Variants in PPM1L observed in about 807,000 individuals in gnomAD.
PPM1L encodes protein phosphatase 1L.
In PPM1L, 13 loss-of-function variants were observed where a neutral mutation model predicts 31.4. The observed-to-expected ratio is 0.41, with a 90% CI of 0.27 to 0.66. The LOEUF (loss-of-function observed/expected upper bound fraction) is 0.66, where lower values mean the gene tolerates loss of function less well. PPM1L is among the 30% of genes least tolerant of loss of function. PPM1L has a pLI of 0.29. For missense variants in PPM1L, 326 were observed against 453.7 expected, an observed-to-expected ratio of 0.72 and a Z score of 2.56; for synonymous variants, 184 against 175.4, an observed-to-expected ratio of 1.05 and a Z score of -0.39.
chr3:161,007,278 C>T (rs1202215969), intron 2 of PPM1L, among the ~76,000 whole-genome samples: 2 of 152,170 alleles, frequency 1.3e-5, no homozygotes, highest in Non-Finnish European at 2.9e-5. Flanking sequence ...TACTATTGTG[C>T]ACAGTGCAAT....
chr3:160,816,386 G>A (rs1362022543), intron 1 of PPM1L, among the ~76,000 whole-genome samples: 1 of 151,592 alleles, frequency 6.6e-6, no homozygotes. Context: ...AACATTTTAC[G>A]AAATGGGAAA....
chr3:160,960,867 C>G (rs1715941507), intron 1 of PPM1L, among the ~76,000 whole-genome samples: 1 of 152,174 alleles, frequency 6.6e-6, no homozygotes, highest in Non-Finnish European at 1.5e-5. Flanking sequence ...TATGCTACCA[C>G]TGCAGCCTAC....
intron 2 of PPM1L, among the ~76,000 whole-genome samples, chr3:161,064,075 G>T (rs917838768): frequency 2.0e-5 from 3 of 151,828 alleles, no homozygotes; most frequent in African/African-American, 7.3e-5. Flanking sequence ...TGCATGTAGG[G>T]CTTAAAACTT....
chr3:160,783,053 A>G (rs1000162185), intron 1 of PPM1L, among the ~76,000 whole-genome samples: 1 of 152,168 alleles, frequency 6.6e-6, no homozygotes. Context: ...CTGAGCAACT[A>G]TAGAAATGTA....
At chr3:160,922,265 A>G (rs375334407) in intron 1 of PPM1L, among the ~76,000 whole-genome samples, 155 of 151,822 alleles carry the variant, frequency 1.0e-3, no homozygotes, top group African/African-American at 3.5e-3. Context: ...AGCCGAGATC[A>G]CACCACTGCA....
chr3:160,989,017 T>A (rs2108041764), intron 2 of PPM1L, among the ~76,000 whole-genome samples: 1 of 152,242 alleles, frequency 6.6e-6, no homozygotes, highest in Non-Finnish European at 1.5e-5. Context: ...CCCAATGTAT[T>A]GATTAAAGGG....
intron 2 of PPM1L, among the ~76,000 whole-genome samples, chr3:161,064,262 GA>G (rs1576626000): frequency 1.3e-5 from 2 of 151,124 alleles, no homozygotes; most frequent in African/African-American, 2.4e-5. Flanking sequence ...AGCTACTCCA[GA>G]GGCTGAGGTG....
chr3:160,990,489 A>G (rs1339134214), intron 2 of PPM1L, among the ~76,000 whole-genome samples: 8 of 152,250 alleles, frequency 5.3e-5, no homozygotes, highest in Admixed American at 4.6e-4. Flanking sequence ...CCAATACATT[A>G]GAAGTCATAA....
rs114901492 is a variant in PPM1L at position 160,864,692 on chromosome 3, T to C, written c.400-97044T>C. 1.8e-3 allele frequency among the ~76,000 whole-genome samples: 274 copies of C among 152,362 alleles called. 2 individuals are homozygous for C. The highest frequency in any genetic ancestry group is 6.5e-3 in the African/African-American group (271 of 41,576). On this transcript the variant is annotated intron_variant, in intron 1 of 3. Coordinates refer to ENST00000498165, the MANE Select transcript of PPM1L (RefSeq NM_139245.4). ...GATGAATAAGACATAAGTCTTGTGG[T>C]CATGGATAGCTACCACTACTGACAT...
At position 161,071,655 on chromosome 3, in the gene PPM1L, T is replaced by C. The variant is rs1217980994; in HGVS notation, c.*2498T>C. On this transcript the variant is annotated 3_prime_UTR_variant, in exon 4 of 4. Transcript: ENST00000498165. ...GAAGTTCTAGGCAAAACTGTAGCAG[T>C]TTCATTAATAGTTGTTAGGATAGTT... 6.6e-6 allele frequency: 1 copy of C among 152,152 alleles called. No individual in the cohort carries two copies. Among genetic ancestry groups the C allele is most frequent in the Non-Finnish European group, 1.5e-5 (1 of 68,038 alleles). 9.4% of individuals were successfully genotyped at this position (152,152 alleles called of 1,614,324 possible). A position where few individuals can be genotyped will look rare whatever the true frequency, so the allele number is the denominator to read the frequency against.
chr3:160,858,292 G>A (rs926840630), intron 1 of PPM1L, among the ~76,000 whole-genome samples: 3 of 151,618 alleles, frequency 2.0e-5, no homozygotes, highest in African/African-American at 7.3e-5. Flanking sequence ...TGTCATCCAG[G>A]CTGGAGTGCA....
At chr3:160,892,002 G>A (rs1336759761) in intron 1 of PPM1L, among the ~76,000 whole-genome samples, 1 of 152,126 alleles carries the variant, frequency 6.6e-6, no homozygotes, top group Non-Finnish European at 1.5e-5. Context: ...GTCAGGGGGT[G>A]GAGGGCTAGG....
intron 1 of PPM1L, among the ~76,000 whole-genome samples, chr3:160,961,038 G>T (rs999595380): frequency 1.6e-4 from 25 of 152,220 alleles, no homozygotes; most frequent in Admixed American, 1.6e-3. Context: ...TACAGATAGT[G>T]TAAAAACAAA....
intron 3 of PPM1L, among the ~76,000 whole-genome samples, chr3:161,067,087 G>A (rs1026960227): frequency 5.3e-5 from 8 of 152,178 alleles, no homozygotes; most frequent in African/African-American, 1.7e-4. Flanking sequence ...AGTCTGCTGT[G>A]AAATTAAGAC....
intron 1 of PPM1L, among the ~76,000 whole-genome samples, chr3:160,918,267 G>T (rs1363574026): frequency 1.3e-5 from 2 of 152,228 alleles, no homozygotes; most frequent in Non-Finnish European, 2.9e-5. Context: ...TATCACTTAG[G>T]ACAGTTGTAC....
At chr3:160,915,967 C>T (rs1714162303) in intron 1 of PPM1L, among the ~76,000 whole-genome samples, 1 of 152,268 alleles carries the variant, frequency 6.6e-6, no homozygotes, top group Middle Eastern at 3.4e-3. Context: ...TTGAAGAAAA[C>T]CTAGGCAATA....
chr3:160,953,731 G>T (rs1715645107), intron 1 of PPM1L, among the ~76,000 whole-genome samples: 1 of 152,204 alleles, frequency 6.6e-6, no homozygotes, highest in African/African-American at 2.4e-5. Context: ...GGGTCATCGT[G>T]ATGGTGGTGG....
chr3:161,072,730 C>T lies in PPM1L; in HGVS notation c.*3573C>T, dbSNP rs779426279. The stretch of plus-strand genomic sequence containing the variant: ...CTTGATTATCCTGATTTTTTTTGTT[C>T]TCTAAGTTGTTGCCAGATCTCTCTT... On this transcript the variant is annotated 3_prime_UTR_variant, in exon 4 of 4. Transcript: ENST00000498165. 1.3e-5 allele frequency: 2 copies of T among 151,892 alleles called. No homozygotes were observed. Among genetic ancestry groups the T allele is most frequent in the African/African-American group, 2.4e-5 (1 of 41,366 alleles). The allele number at this position is 151,892 out of a possible 1,614,324, so 9.4% of individuals were successfully genotyped here.
At chr3:160,800,234 T>C (rs907959786) in intron 1 of PPM1L, among the ~76,000 whole-genome samples, 4 of 152,344 alleles carry the variant, frequency 2.6e-5, no homozygotes, top group Middle Eastern at 3.4e-3. Flanking sequence ...TGAGGCTTTT[T>C]TCCTTTAGAC....
Sources: allele counts gnomAD v4.1 joint callset (sites outside exome capture counted in the v4.1 genomes callset), GRCh38; gene constraint gnomAD v4.1.1; transcripts MANE v1.5; gene names NCBI Gene and HGNC (gene_info 2026-07-23, HGNC 2026-07-21).